Variants in CPAMD8 observed in about 807,000 individuals in gnomAD.
CPAMD8 encodes the protein C3 and PZP-like alpha-2-macroglobulin domain-containing protein 8.
Under a neutral mutation model 224.7 loss-of-function variants are expected in CPAMD8, and 146 were observed. The ratio of observed to expected loss-of-function variants is 0.65; its 90% CI spans 0.57 to 0.75. CPAMD8 has a LOEUF of 0.75. Ranked by LOEUF, CPAMD8 falls within the 30% of genes least tolerant of loss-of-function variation. The pLI is 0.00. For synonymous variants in CPAMD8, 966 were observed against 1,044.6 expected, an observed-to-expected ratio of 0.92 and a Z score of 1.45; for missense variants, 2,301 against 2,537.5, an observed-to-expected ratio of 0.91 and a Z score of 2.00.
rs762362918 is a variant in CPAMD8 at position 16,975,214 on chromosome 19, G to A, written c.1953C>T (p.Gly651=). Residue 651 remains glycine, a synonymous_variant, in exon 17 of 42, where the codon GGC becomes GGT. Transcript: ENST00000443236. Reference sequence around the variant, plus strand: ...AAAAAGGACCATCCTCCCTGGACACGCCAAAGGAATCAGAAACATCATAAT... The same window carrying A: ...AAAAAGGACCATCCTCCCTGGACACACCAAAGGAATCAGAAACATCATAAT... ...LEDYDVSDSF[G]VSREDGPFWW... 70 of 1,609,732 alleles carry A rather than the reference G, an allele frequency of 4.3e-5. No homozygotes were observed. The highest frequency in any genetic ancestry group is 6.8e-5 in the Admixed American group (4 of 59,134).
chr19:16,893,229 CTA>C lies in CPAMD8; in HGVS notation c.5535_5536del (p.His1845GlnfsTer78), dbSNP rs761878425. On this transcript the variant is annotated frameshift_variant, in exon 42 of 42. Transcript: ENST00000443236. LOFTEE classifies it low-confidence loss of function (END_TRUNC). ...CCTGTGGGCCCCCACCACCCGGCCA[CTA>C]TGTCTCTGAGGGGCCGGAGTCTGGC... is the stretch of plus-strand genomic sequence containing the variant. 1.2e-5 allele frequency: 19 copies of C among 1,586,942 alleles called. No homozygotes were observed. Among genetic ancestry groups the C allele is most frequent in the Admixed American group, 1.1e-4 (6 of 56,992 alleles).
chr19:16,989,879 A>AAAGGGATATTGGAGC, intron 12 of CPAMD8, 108 bp from the exon 13 acceptor site: 1 of 1,066,334 alleles, frequency 9.4e-7, no homozygotes, highest in Non-Finnish European at 1.4e-6. Flanking sequence ...CTCATGCTCC[A>AAAGGGATATTGGAGC]ATATCCCTTT....
chr19:17,011,807 C>T lies in CPAMD8; in HGVS notation c.268-50G>A, dbSNP rs370189612. On this transcript the variant is annotated intron_variant, in intron 3 of 41. Transcript: ENST00000443236. The stretch of plus-strand genomic sequence containing the variant: ...GGACAAGAATTCACCCTGGAATGGG[C>T]CAAGATACTGGGGAAGGAGTTTGGA... The T allele has an allele frequency of 1.1e-5, 18 of 1,583,336 alleles. No individual in the cohort carries two copies. In the African/African-American group the frequency reaches 2.0e-4, roughly 18 times the overall value.
At chr19:16,985,026 A>C (rs1599847056) in intron 13 of CPAMD8, among the ~76,000 whole-genome samples, 2 of 152,332 alleles carry the variant, frequency 1.3e-5, no homozygotes, top group Middle Eastern at 6.8e-3. Context: ...TGAATTAGAC[A>C]ATATAATTTG....
intron 7 of CPAMD8, among the ~76,000 whole-genome samples, chr19:17,007,649 G>A (rs2056530013): frequency 6.6e-6 from 1 of 152,068 alleles, no homozygotes; most frequent in Non-Finnish European, 1.5e-5. Context: ...GGACAGCCTG[G>A]GTGTGTGCAT....
intron 18 of CPAMD8, among the ~76,000 whole-genome samples, chr19:16,961,540 G>A (rs2054657664): frequency 6.6e-6 from 1 of 152,278 alleles, no homozygotes; most frequent in African/African-American, 2.4e-5. Flanking sequence ...GCCCACTGCA[G>A]CTCAGCAAGG....
intron 35 of CPAMD8, among the ~76,000 whole-genome samples, chr19:16,901,713 C>T (rs914178938): frequency 6.6e-6 from 1 of 152,164 alleles, no homozygotes; most frequent in Admixed American, 6.5e-5. Context: ...GCCTCAGTTT[C>T]TCCTTCTGTA....
chr19:17,021,100 A>G (rs2056943117), intron 2 of CPAMD8, among the ~76,000 whole-genome samples: 1 of 152,188 alleles, frequency 6.6e-6, no homozygotes, highest in Non-Finnish European at 1.5e-5. Flanking sequence ...CACATGAACC[A>G]AGATAGGCCA....
intron 35 of CPAMD8, 148 bp downstream of exon 35, chr19:16,902,501 G>T: frequency 3.3e-6 from 2 of 597,630 alleles, no homozygotes; most frequent in Non-Finnish European, 6.0e-6. Flanking sequence ...TGGGCGACAG[G>T]GTGAGACTCT....
chr19:17,009,653 A>G (rs1263574617), intron 5 of CPAMD8: 1 of 214,294 alleles, frequency 4.7e-6, no homozygotes, highest in Non-Finnish European at 9.7e-6. Flanking sequence ...GGGTGCCTGT[A>G]GTCCCAGCTA....
At chr19:17,019,210 G>A (rs958259435) in intron 3 of CPAMD8, among the ~76,000 whole-genome samples, 7 of 151,052 alleles carry the variant, frequency 4.6e-5, no homozygotes, top group African/African-American at 1.5e-4. Flanking sequence ...TGCAACCTCC[G>A]TCCCATGGGT....
At chr19:16,944,645 G>T (rs2054010450) in intron 22 of CPAMD8, among the ~76,000 whole-genome samples, 1 of 152,146 alleles carries the variant, frequency 6.6e-6, no homozygotes, top group Non-Finnish European at 1.5e-5. Flanking sequence ...CTGGCTCACA[G>T]AGATCTCGGT....
chr19:17,022,115 G>C lies in CPAMD8; in HGVS notation c.159C>G (p.Ile53Met). 6.2e-7 allele frequency: 1 copy of C among 1,606,936 alleles called. No individual in the cohort carries two copies. Among genetic ancestry groups the C allele is most frequent in the Non-Finnish European group, 8.5e-7 (1 of 1,176,552 alleles). The change falls in exon 2 of 42, where the codon ATC (isoleucine) becomes ATG (methionine). Residue 53 changes from isoleucine (I) to methionine (M), a missense_variant. By Grantham distance (10) the Ile-to-Met change is conservative (BLOSUM62 1). Coordinates refer to ENST00000443236, the MANE Select transcript of CPAMD8 (RefSeq NM_015692.5). Reference sequence around the variant, plus strand: ...CCGTGACTTCCCTTGGAGAGTTAAAGATGGTCACGCTGATGACTTCCTCCA... The same window carrying C: ...CCGTGACTTCCCTTGGAGAGTTAAACATGGTCACGCTGATGACTTCCTCCA... ...AGVEEVISVT[I>M]FNSPREVTVQ...
rs74260296 is a variant in CPAMD8, at chr19:16,958,227, T to C, written c.2214-312A>G. On this transcript the variant is annotated intron_variant, in intron 18 of 41. Coordinates refer to ENST00000443236, the MANE Select transcript of CPAMD8 (RefSeq NM_015692.5). ...TGTACAGATTATTTCATCACCCAGATACTAAGCCTATGCCCAATAGTTATT... is the reference window on the plus strand; with the variant it reads ...TGTACAGATTATTTCATCACCCAGACACTAAGCCTATGCCCAATAGTTATT... Among the ~76,000 whole-genome samples the C allele has an allele frequency of 4.2e-3, 643 of 152,322 alleles. 28 individuals are homozygous for C. The East Asian group carries it at 0.095, about 22-fold the overall frequency.
At chr19:16,991,748 G>A (rs375033036) in intron 12 of CPAMD8, among the ~76,000 whole-genome samples, 35 of 152,032 alleles carry the variant, frequency 2.3e-4, no homozygotes, top group Non-Finnish European at 4.0e-4. Flanking sequence ...CCAGCTACTC[G>A]GGAGGCTGAG....
chr19:16,943,746 A>G (rs900258502), intron 22 of CPAMD8, among the ~76,000 whole-genome samples: 2 of 152,220 alleles, frequency 1.3e-5, no homozygotes, highest in African/African-American at 4.8e-5. Context: ...TGACAACAGC[A>G]CGTGGGTCTT....
At chr19:16,948,902 G>A (rs2054204350) in intron 20 of CPAMD8, among the ~76,000 whole-genome samples, 1 of 92,620 alleles carries the variant, frequency 1.1e-5, no homozygotes, top group African/African-American at 4.4e-5. Context: ...GGAAGGGAAG[G>A]GAAGGGAAGG....
chr19:17,005,855 C>T (rs2056477263), intron 7 of CPAMD8, among the ~76,000 whole-genome samples: 1 of 152,094 alleles, frequency 6.6e-6, no homozygotes, highest in Admixed American at 6.6e-5. Flanking sequence ...GATGTGTGTC[C>T]TGAGCACGTG....
chr19:16,912,753 G>GA (rs567519466), intron 29 of CPAMD8, among the ~76,000 whole-genome samples: 14 of 147,994 alleles, frequency 9.5e-5, no homozygotes, highest in Middle Eastern at 6.9e-3. Flanking sequence ...GCAGTGAGCT[G>GA]AAAAAAAAAA....
Sources: allele counts gnomAD v4.1 joint callset (sites outside exome capture counted in the v4.1 genomes callset), GRCh38; gene constraint gnomAD v4.1.1; transcripts MANE v1.5; gene names NCBI Gene and HGNC (gene_info 2026-07-23, HGNC 2026-07-21).